TECRL: variants seen among roughly 807,000 people sequenced by gnomAD.
TECRL encodes trans-2,3-enoyl-CoA reductase-like.
A neutral mutation model predicts 52.8 loss-of-function variants in TECRL; 63 were observed. That is an observed-to-expected ratio of 1.19 (90% CI 0.97 to 1.47). The LOEUF (loss-of-function observed/expected upper bound fraction) is 1.47, where lower values mean the gene tolerates loss of function less well. Ranked by LOEUF, TECRL falls within the 40% of genes most tolerant of loss-of-function variation. The pLI is 0.00. For missense variants in TECRL, 482 were observed against 429.6 expected (o/e 1.12, Z -1.08); for synonymous variants, 164 against 141.9 (o/e 1.16, Z -1.10).
At chr4:64,290,050 A>G (rs1017394793) in intron 8 of TECRL, among the ~76,000 whole-genome samples, 1 of 152,196 alleles carries the variant, frequency 6.6e-6, no homozygotes, top group Non-Finnish European at 1.5e-5. Flanking sequence ...TCGGCTTTGT[A>G]CTTGTTACTA....
At chr4:64,316,173 G>C (rs1274113564) in intron 4 of TECRL, among the ~76,000 whole-genome samples, 1 of 152,002 alleles carries the variant, frequency 6.6e-6, no homozygotes, top group East Asian at 1.9e-4. Context: ...AATATATCAG[G>C]AATATAAAAT....
chr4:64,363,176 C>T (rs1057318570), intron 2 of TECRL, among the ~76,000 whole-genome samples: 1 of 151,976 alleles, frequency 6.6e-6, no homozygotes, highest in Non-Finnish European at 1.5e-5. Flanking sequence ...CTGTAAATAC[C>T]AGATTAATAA....
intron 2 of TECRL, among the ~76,000 whole-genome samples, chr4:64,332,954 G>A (rs908972689): frequency 6.6e-6 from 1 of 151,926 alleles, no homozygotes; most frequent in Admixed American, 6.6e-5. Context: ...ATGGCTGAGA[G>A]TTTTCCAATA....
intron 8 of TECRL, among the ~76,000 whole-genome samples, chr4:64,293,402 T>C (rs1049523322): frequency 6.6e-6 from 1 of 152,106 alleles, no homozygotes; most frequent in Non-Finnish European, 1.5e-5. Context: ...TTATTGTAAG[T>C]GATGTATTAT....
chr4:64,313,300 C>CT (rs200106453), intron 5 of TECRL, among the ~76,000 whole-genome samples: 200 of 143,000 alleles, frequency 1.4e-3, no homozygotes, highest in East Asian at 0.012. Flanking sequence ...TTGTTCAGGT[C>CT]TTTTTTTTTT....
intron 2 of TECRL, among the ~76,000 whole-genome samples, chr4:64,329,537 T>C (rs981587275): frequency 6.6e-6 from 1 of 151,918 alleles, no homozygotes; most frequent in Non-Finnish European, 1.5e-5. Context: ...GAATATATTG[T>C]ATGTTTTACC....
intron 1 of TECRL, among the ~76,000 whole-genome samples, chr4:64,398,321 C>G (rs967020303): frequency 6.6e-6 from 1 of 152,114 alleles, no homozygotes; most frequent in Non-Finnish European, 1.5e-5. Flanking sequence ...GAAATGGAAT[C>G]TCCAATACTG....
At chr4:64,298,059 T>C (rs1345392756) in intron 8 of TECRL, among the ~76,000 whole-genome samples, 1 of 151,224 alleles carries the variant, frequency 6.6e-6, no homozygotes, top group Non-Finnish European at 1.5e-5. Flanking sequence ...TTTTCACCTA[T>C]GCTTAATATT....
chr4:64,288,086 T>C (rs1723173299), intron 9 of TECRL, among the ~76,000 whole-genome samples: 1 of 151,644 alleles, frequency 6.6e-6, no homozygotes, highest in Non-Finnish European at 1.5e-5. Context: ...AAGGCAGAAG[T>C]TGCAGTGAGC....
At chr4:64,308,421 G>A (rs1724466031) in intron 6 of TECRL, among the ~76,000 whole-genome samples, 1 of 152,144 alleles carries the variant, frequency 6.6e-6, no homozygotes, top group South Asian at 2.1e-4. Context: ...ATAAGTAATA[G>A]CCAAGATGAA....
intron 4 of TECRL, among the ~76,000 whole-genome samples, chr4:64,318,760 A>T (rs1717684907): frequency 6.6e-6 from 1 of 152,048 alleles, no homozygotes; most frequent in African/African-American, 2.4e-5. Context: ...GGACATGTTA[A>T]GATAAACAAG....
At chr4:64,340,960 T>G (rs999448200) in intron 2 of TECRL, among the ~76,000 whole-genome samples, 1 of 152,102 alleles carries the variant, frequency 6.6e-6, no homozygotes, top group Non-Finnish European at 1.5e-5. Context: ...GGCCTCCTTT[T>G]TGCTGAGAGC....
chr4:64,401,866 T>A (rs1724382461), intron 1 of TECRL, among the ~76,000 whole-genome samples: 1 of 152,168 alleles, frequency 6.6e-6, no homozygotes, highest in Non-Finnish European at 1.5e-5. Flanking sequence ...TTTTCTCTTA[T>A]TTGCACAATA....
downstream of TECRL, chr4:64,276,593 C>T (rs1297233983): frequency 1.3e-5 from 2 of 152,158 alleles, no homozygotes; most frequent in African/African-American, 4.8e-5. Flanking sequence ...CCCCACCAAA[C>T]ACACTGATAT....
At chr4:64,333,852 C>G (rs71610741) in intron 2 of TECRL, among the ~76,000 whole-genome samples, 2 of 120,350 alleles carry the variant, frequency 1.7e-5, no homozygotes, top group African/African-American at 3.9e-5. Flanking sequence ...AACCCCGTCT[C>G]TACTAAAAAT....
intron 2 of TECRL, among the ~76,000 whole-genome samples, chr4:64,364,042 C>T (rs1721413744): frequency 6.6e-6 from 1 of 151,974 alleles, no homozygotes; most frequent in African/African-American, 2.4e-5. Flanking sequence ...TTATGAAAAA[C>T]TGAAATTATT....
chr4:64,388,590 T>TTACATCTG (rs1399172187), intron 1 of TECRL, among the ~76,000 whole-genome samples: 45 of 152,012 alleles, frequency 3.0e-4, no homozygotes, highest in African/African-American at 1.1e-3. Context: ...AGGGATTGCA[T>TTACATCTG]TACATCTGTA....
intron 2 of TECRL, among the ~76,000 whole-genome samples, chr4:64,365,282 A>C (rs1293924558): frequency 6.6e-6 from 1 of 152,134 alleles, no homozygotes; most frequent in Non-Finnish European, 1.5e-5. Flanking sequence ...CATTGTACTA[A>C]ACAGGTGAAA....
At chr4:64,341,287 G>C (rs1176076822) in intron 2 of TECRL, among the ~76,000 whole-genome samples, 4 of 152,046 alleles carry the variant, frequency 2.6e-5, no homozygotes, top group Non-Finnish European at 5.9e-5. Flanking sequence ...AAACAGCAAG[G>C]CTAAAAGAGC....
Sources: allele counts gnomAD v4.1 joint callset (sites outside exome capture counted in the v4.1 genomes callset), GRCh38; gene constraint gnomAD v4.1.1; transcripts MANE v1.5; gene names NCBI Gene and HGNC (gene_info 2026-07-23, HGNC 2026-07-21).